CDH18: variants seen among roughly 807,000 people sequenced by gnomAD.
CDH18 encodes the protein cadherin-18.
In CDH18, 31 loss-of-function variants were observed where a neutral mutation model predicts 67.9. The observed-to-expected ratio is 0.46, with a 90% CI of 0.34 to 0.62. The LOEUF is 0.62. Among genes scored for constraint, CDH18 ranks in the 20% least tolerant of loss-of-function variants. CDH18 has a pLI of 0.01. For synonymous variants in CDH18, 362 were observed against 347.2 expected (o/e 1.04, Z -0.48); for missense variants, 890 against 975.5 (o/e 0.91, Z 1.17).
rs903685501 is a variant in CDH18 at position 19,731,449 on chromosome 5, TCAA to T, written c.524-9986_524-9984del. On this transcript the variant is annotated intron_variant, in intron 4 of 12. Coordinates refer to ENST00000382275, the MANE Select transcript of CDH18 (RefSeq NM_004934.5). ...CTGGGTGACAGAGTGAGACTCCATC[TCAA>T]CAACAACAACAAATGTCATCTTCAG... Among the ~76,000 whole-genome samples, 566 of 152,120 alleles carry T rather than the reference TCAA, an allele frequency of 3.7e-3. 2 individuals carry two copies. Among genetic ancestry groups the T allele is most frequent in the African/African-American group, 0.013 (538 of 41,486 alleles).
intron 1 of CDH18, among the ~76,000 whole-genome samples, chr5:20,353,038 T>C (rs999441682): frequency 2.4e-4 from 36 of 152,056 alleles, no homozygotes; most frequent in African/African-American, 8.2e-4. Context: ...AATATGAAAA[T>C]GGTTTTTCTT....
intron 3 of CDH18, among the ~76,000 whole-genome samples, chr5:19,785,687 T>A (rs1444538782): frequency 0.066 from 1,605 of 24,154 alleles, 43 homozygotes; most frequent in Non-Finnish European, 0.075. Context: ...AAAATATATA[T>A]ATATATATAT....
chr5:19,788,382 A>C (rs929525328), intron 3 of CDH18, among the ~76,000 whole-genome samples: 2 of 152,194 alleles, frequency 1.3e-5, no homozygotes, highest in Admixed American at 6.6e-5. Flanking sequence ...TGATAAAGAG[A>C]CTTCAAGTGT....
At chr5:19,786,590 T>G (rs147328688) in intron 3 of CDH18, among the ~76,000 whole-genome samples, 133 of 152,272 alleles carry the variant, frequency 8.7e-4, no homozygotes, top group East Asian at 2.3e-3. Context: ...AAAAATAATA[T>G]CATAGAATAG....
intron 3 of CDH18, among the ~76,000 whole-genome samples, chr5:19,785,672 AAAAAAAAATATATATATATATATATATAT>A (rs1775653117): frequency 1.5e-5 from 1 of 65,862 alleles, no homozygotes; most frequent in Non-Finnish European, 2.8e-5. Flanking sequence ...AAAAAAAAAA[AAAAAAAAATATATATATATATATATATAT>A]ATATATATAT....
intron 3 of CDH18, among the ~76,000 whole-genome samples, chr5:19,782,460 G>A (rs1474053456): frequency 6.6e-6 from 1 of 152,150 alleles, no homozygotes; most frequent in Admixed American, 6.6e-5. Context: ...CCACAGAGAG[G>A]AGTAAGGCAA....
At chr5:20,156,033 T>TA (rs1480414944) in intron 2 of CDH18, among the ~76,000 whole-genome samples, 1 of 152,084 alleles carries the variant, frequency 6.6e-6, no homozygotes, top group African/African-American at 2.4e-5. Flanking sequence ...CACAATGAGA[T>TA]ACCACCTCAC....
chr5:19,895,279 A>T (rs1789186687), intron 2 of CDH18, among the ~76,000 whole-genome samples: 1 of 152,206 alleles, frequency 6.6e-6, no homozygotes, highest in Non-Finnish European at 1.5e-5. Flanking sequence ...TTTCAATAAA[A>T]GTCTGTGTTG....
intron 5 of CDH18, among the ~76,000 whole-genome samples, chr5:19,698,914 A>C (rs1762870110): frequency 6.6e-6 from 1 of 152,102 alleles, no homozygotes; most frequent in Non-Finnish European, 1.5e-5. Context: ...AATTTCTTGC[A>C]TAAGTATTTC....
chr5:19,936,284 G>T (rs1486510083), intron 2 of CDH18, among the ~76,000 whole-genome samples: 1 of 151,146 alleles, frequency 6.6e-6, no homozygotes, highest in South Asian at 2.1e-4. Flanking sequence ...TTTTCAACAA[G>T]AAATGTTTTG....
intron 1 of CDH18, among the ~76,000 whole-genome samples, chr5:20,292,714 G>C (rs927082279): frequency 6.6e-6 from 1 of 151,938 alleles, no homozygotes; most frequent in African/African-American, 2.4e-5. Context: ...ATCAATTCTT[G>C]AGATTACTTG....
chr5:20,206,456 C>G (rs1354889687), intron 2 of CDH18, among the ~76,000 whole-genome samples: 1 of 151,810 alleles, frequency 6.6e-6, no homozygotes, highest in Non-Finnish European at 1.5e-5. Flanking sequence ...AAAATTAAAG[C>G]TTGGAATATT....
chr5:20,467,172 T>C (rs2150232789), intron 1 of CDH18, among the ~76,000 whole-genome samples: 1 of 152,244 alleles, frequency 6.6e-6, no homozygotes. Flanking sequence ...CATTTTTAAA[T>C]ACAATTTAAA....
At chr5:19,494,888 G>A (rs749908457) in intron 11 of CDH18, among the ~76,000 whole-genome samples, 1 of 152,208 alleles carries the variant, frequency 6.6e-6, no homozygotes, top group Non-Finnish European at 1.5e-5. Flanking sequence ...ATTTGGAAAA[G>A]AGAATGAGTT....
At chr5:19,781,530 T>C (rs979777682) in intron 3 of CDH18, among the ~76,000 whole-genome samples, 1 of 152,198 alleles carries the variant, frequency 6.6e-6, no homozygotes, top group South Asian at 2.1e-4. Flanking sequence ...ATGTAAGAGT[T>C]AAAATTATTG....
At chr5:19,767,209 C>G (rs894166120) in intron 3 of CDH18, among the ~76,000 whole-genome samples, 2 of 151,912 alleles carry the variant, frequency 1.3e-5, no homozygotes, top group African/African-American at 4.8e-5. Context: ...TTGTAAATCT[C>G]AATTTAAACA....
chr5:20,172,212 A>ATATATATATG (rs1736822688), intron 2 of CDH18, among the ~76,000 whole-genome samples: 2 of 50,724 alleles, frequency 3.9e-5, no homozygotes, highest in Non-Finnish European at 7.5e-5. Flanking sequence ...ATATATATAT[A>ATATATATATG]TATATATATA....
intron 2 of CDH18, among the ~76,000 whole-genome samples, chr5:20,122,283 T>G (rs564052735): frequency 6.6e-6 from 1 of 152,334 alleles, no homozygotes; most frequent in South Asian, 2.1e-4. Flanking sequence ...TTTGAAAATT[T>G]AACACATCGC....
chr5:19,604,530 AACACACACACACACACACAC>A (rs4002268), intron 6 of CDH18, among the ~76,000 whole-genome samples: 7 of 145,194 alleles, frequency 4.8e-5, no homozygotes, highest in South Asian at 2.2e-4. Context: ...TTCAAATTAA[AACACACACACACACACACAC>A]ACACACACAC....
Sources: gnomAD v4.1 joint callset for allele counts (sites outside exome capture counted in the v4.1 genomes callset) on GRCh38, gnomAD v4.1.1 for gene constraint, MANE v1.5 for transcripts, NCBI Gene and HGNC (gene_info 2026-07-23, HGNC 2026-07-21) for gene names.